The following UNC5B variants were observed in gnomAD, a reference collection of about 807,000 sequenced individuals.
UNC5B encodes netrin receptor UNC5B.
Under a neutral mutation model 103.7 loss-of-function variants are expected in UNC5B, and 56 were observed. The ratio of observed to expected loss-of-function variants is 0.54; its 90% CI spans 0.44 to 0.67. UNC5B has a LOEUF of 0.67. Ranked by LOEUF, UNC5B falls within the 30% of genes least tolerant of loss-of-function variation. The pLI is 0.00. For synonymous variants in UNC5B, 577 were observed against 542.0 expected (o/e 1.06, Z -0.90); for missense variants, 1,194 against 1,284.5 (o/e 0.93, Z 1.08).
rs550901589 is a variant in UNC5B, at chr10:71,213,612, G to A, written c.79+548G>A. Among the ~76,000 whole-genome samples, 1 of 152,080 alleles carries A rather than the reference G, an allele frequency of 6.6e-6. No individual in the cohort carries two copies. Among genetic ancestry groups the A allele is most frequent in the Non-Finnish European group, 1.5e-5 (1 of 68,008 alleles). On this transcript the variant is annotated intron_variant, in intron 1 of 16. Coordinates refer to ENST00000335350, the MANE Select transcript of UNC5B (RefSeq NM_170744.5). This position sits in a 1 kb window ranked among gnomAD's most constrained non-coding sequence, Gnocchi z 4.1. ...GGCCGGCTTGCAGGGCTCCTGAAGCGGGGAGGGCTAAGTCTTGCACACATA... is the reference window on the plus strand; with the variant it reads ...GGCCGGCTTGCAGGGCTCCTGAAGCAGGGAGGGCTAAGTCTTGCACACATA...
chr10:71,244,826 G>A (rs560096379), intron 1 of UNC5B, among the ~76,000 whole-genome samples: 21 of 152,318 alleles, frequency 1.4e-4, no homozygotes, highest in Admixed American at 1.0e-3. Flanking sequence ...CGGCGGGGGC[G>A]TGCTGGCGTG....
In UNC5B at chr10:71,299,161, G is replaced by A. The variant is rs769163068; in HGVS notation, c.2722G>A (p.Asp908Asn). Residue 908 changes from aspartate (D) to asparagine (N), a missense_variant, in exon 17 of 17, where the codon GAC becomes AAC. Physicochemically the swap from Asp to Asn is conservative, Grantham distance 23. Coordinates refer to ENST00000335350, the MANE Select transcript of UNC5B (RefSeq NM_170744.5). Reference sequence around the variant, plus strand: ...AGCGAGCCCCACGGGTGTGATCCTGGACCTCTGGGAAGCTCTGCAGCAGGA... The same window carrying A: ...AGCGAGCCCCACGGGTGTGATCCTGAACCTCTGGGAAGCTCTGCAGCAGGA... ...TKASPTGVIL[D>N]LWEALQQDDG... is the part of the protein sequence containing the mutation. 6 of 1,614,108 alleles carry A rather than the reference G, an allele frequency of 3.7e-6. No homozygotes were observed. The African/African-American group carries it at 8.0e-5, about 22-fold the overall frequency.
intron 1 of UNC5B, among the ~76,000 whole-genome samples, chr10:71,253,822 A>G (rs1844230440): frequency 6.6e-6 from 1 of 152,168 alleles, no homozygotes; most frequent in Non-Finnish European, 1.5e-5. Context: ...TCCGCAGGAC[A>G]CTAGGAAAGC....
intron 2 of UNC5B, among the ~76,000 whole-genome samples, chr10:71,281,555 T>C (rs924691672): frequency 6.6e-6 from 1 of 152,356 alleles, no homozygotes; most frequent in Non-Finnish European, 1.5e-5. Context: ...TTAGCCAGGA[T>C]GGTCTCAATC....
chr10:71,290,992 G>A lies in UNC5B; in HGVS notation c.1177G>A (p.Ala393Thr). ...CTTCGTGGTCGTGGCAATCCTCATG[G>A]CGGTGGGGGTGGTGGTGTACCGCCG... ...AIFVVVAILM[A>T]VGVVVYRRNC... The change falls in exon 9 of 17, where the codon GCG becomes ACG. Residue 393 changes from alanine to threonine, a missense_variant. By Grantham distance (58) the Ala-to-Thr change is moderately conservative. Coordinates refer to ENST00000335350, the MANE Select transcript of UNC5B (RefSeq NM_170744.5). 6.2e-7 allele frequency: 1 copy of A among 1,613,740 alleles called. No homozygotes were observed. The highest frequency in any genetic ancestry group is 8.5e-7 in the Non-Finnish European group (1 of 1,179,738).
At chr10:71,281,515 T>G (rs185488515) in intron 2 of UNC5B, among the ~76,000 whole-genome samples, 415 of 152,240 alleles carry the variant, frequency 2.7e-3, no homozygotes, top group Non-Finnish European at 4.8e-3. Flanking sequence ...TAATTTTTTG[T>G]ATTTTTAGTA....
At chr10:71,256,581 A>C (rs558176236) in intron 1 of UNC5B, among the ~76,000 whole-genome samples, 1 of 152,332 alleles carries the variant, frequency 6.6e-6, no homozygotes, top group South Asian at 2.1e-4. Flanking sequence ...CTGAGAGCAG[A>C]TGGAGCCCAG....
At position 71,298,035 on chromosome 10, in the gene UNC5B, C is replaced by G; in HGVS notation, c.2617C>G (p.Pro873Ala). ...RQKICNSLDAPNSRGNDWRML... is the reference protein window; with the variant it reads ...RQKICNSLDAANSRGNDWRML... The stretch of plus-strand genomic sequence containing the variant: ...GAAGATATGCAACAGCCTAGATGCC[C>G]CCAACTCACGGGGCAATGACTGGCG... The change falls in exon 16 of 17, where the codon CCC (proline) becomes GCC (alanine). Residue 873 changes from proline to alanine, a missense_variant. Transcript: ENST00000335350. 6.2e-7 allele frequency: 1 copy of G among 1,613,706 alleles called. No individual in the cohort carries two copies. The highest frequency in any genetic ancestry group is 1.7e-5 in the Admixed American group (1 of 59,994).
At chr10:71,295,692 T>A (rs1427615781) in intron 13 of UNC5B, 119 bp from the exon 14 acceptor site, 2 of 1,257,018 alleles carry the variant, frequency 1.6e-6, no homozygotes, top group Non-Finnish European at 2.2e-6. Context: ...CTGTGAGCTC[T>A]TGCAAATGCC....
In UNC5B at chr10:71,213,464, A is replaced by G. The variant is rs1353851778; in HGVS notation, c.79+400A>G. ...TGTGCGCTCGCTGCCGTACGCCGGT[A>G]ACTTACTAGTCTGGTCCCGGCTCGC... On this transcript the variant is annotated intron_variant, in intron 1 of 16. Transcript: ENST00000335350. The surrounding 1 kb of genome is among the most constrained non-coding windows in gnomAD (Gnocchi z 4.1). 6.6e-6 allele frequency among the ~76,000 whole-genome samples: 1 copy of G among 152,122 alleles called. No individual in the cohort carries two copies. The highest frequency in any genetic ancestry group is 1.5e-5 in the Non-Finnish European group (1 of 68,014).
chr10:71,223,959 G>C (rs1370198534), intron 1 of UNC5B, among the ~76,000 whole-genome samples: 1 of 152,192 alleles, frequency 6.6e-6, no homozygotes, highest in Admixed American at 6.5e-5. Context: ...TTCTGGCCAT[G>C]GGGTCTGGCT....
intron 1 of UNC5B, among the ~76,000 whole-genome samples, chr10:71,259,272 C>A (rs902523788): frequency 1.3e-5 from 2 of 151,856 alleles, no homozygotes; most frequent in Non-Finnish European, 2.9e-5. Context: ...GCCTGTAATT[C>A]CAGCTACTCA....
In UNC5B at chr10:71,291,753, G is replaced by A. The variant is rs142597083; in HGVS notation, c.1616G>A (p.Arg539Gln). The change falls in exon 10 of 17, where the codon CGA becomes CAA. Residue 539 changes from arginine (R) to glutamine (Q), a missense_variant. Arg to Gln is a conservative substitution (Grantham distance 43). Coordinates refer to ENST00000335350, the MANE Select transcript of UNC5B (RefSeq NM_170744.5). ...LGSQQLLGLP[R>Q]DPGSSVSGTF... is the part of the protein sequence containing the mutation. Reference sequence around the variant, plus strand: ...TCCCAGCAGCTCTTGGGCCTGCCCCGAGACCCAGGGAGCAGCGTCAGCGGC... The same window carrying A: ...TCCCAGCAGCTCTTGGGCCTGCCCCAAGACCCAGGGAGCAGCGTCAGCGGC... 172 of 1,610,226 alleles carry A rather than the reference G, an allele frequency of 1.1e-4. No individual in the cohort carries two copies. Among genetic ancestry groups the A allele is most frequent in the Middle Eastern group, 3.3e-4 (2 of 6,062 alleles).
intron 8 of UNC5B, 37 bp from the exon 9 acceptor site, chr10:71,290,878 C>T (rs780759314): frequency 1.3e-6 from 2 of 1,576,660 alleles, no homozygotes; most frequent in South Asian, 1.1e-5. Context: ...AGGGCCTGGT[C>T]TCTGCTGCCC....
chr10:71,213,026 C>T lies in UNC5B; in HGVS notation c.41C>T (p.Ala14Val). Residue 14 changes from alanine to valine, a missense_variant, in exon 1 of 17, where the codon GCA becomes GTA. Physicochemically the swap from Ala to Val is moderately conservative, Grantham distance 64. Coordinates refer to ENST00000335350, the MANE Select transcript of UNC5B (RefSeq NM_170744.5). The surrounding 1 kb of genome is among the most constrained non-coding windows in gnomAD (Gnocchi z 4.1). ...GGAGCTCGGGGCGCGCTGCTGCTGG[C>T]ACTGCTGCTCTGCTGGGACCCGAGG... is the stretch of plus-strand genomic sequence containing the variant. ...RSGARGALLL[A>V]LLLCWDPRLS... is the part of the protein sequence containing the mutation. 7.0e-7 allele frequency: 1 copy of T among 1,421,660 alleles called. No individual in the cohort carries two copies. The allele number at this position is 1,421,660 out of a possible 1,614,324, so 88.1% of individuals were successfully genotyped here.
intron 5 of UNC5B, 42 bp downstream of exon 5, chr10:71,286,911 G>A (rs1357175892): frequency 6.3e-7 from 1 of 1,599,766 alleles, no homozygotes; most frequent in Non-Finnish European, 8.5e-7. Flanking sequence ...ACGGCCAAGG[G>A]AGGGAGGAGA....
At chr10:71,283,619 G>C (rs1844986997) in intron 2 of UNC5B, among the ~76,000 whole-genome samples, 1 of 152,218 alleles carries the variant, frequency 6.6e-6, no homozygotes, top group Non-Finnish European at 1.5e-5. Flanking sequence ...AAGGCAGTCA[G>C]GGAGGCTTCC....
At chr10:71,293,249 C>T (rs1225498363) in intron 11 of UNC5B, among the ~76,000 whole-genome samples, 156 bp from the exon 12 acceptor site, 3 of 152,198 alleles carry the variant, frequency 2.0e-5, no homozygotes, top group Non-Finnish European at 4.4e-5. Flanking sequence ...TTTTCTTTGC[C>T]TCCTTTGCCC....
chr10:71,298,180 AC>A, intron 16 of UNC5B, 90 bp downstream of exon 16: 1 of 1,442,466 alleles, frequency 6.9e-7, no homozygotes, highest in Non-Finnish European at 9.3e-7. Flanking sequence ...GACAGCCACG[AC>A]CATCTCCCAG....
Sources: gnomAD v4.1 joint callset for allele counts (sites outside exome capture counted in the v4.1 genomes callset) on GRCh38, gnomAD v4.1.1 for gene constraint, Gnocchi (gnomAD v3.1) non-coding constraint, MANE v1.5 for transcripts, NCBI Gene and HGNC (gene_info 2026-07-23, HGNC 2026-07-21) for gene names.